The following TSHZ3 variants were observed in gnomAD, a reference collection of about 807,000 sequenced individuals.
TSHZ3 encodes teashirt homolog 3.
A neutral mutation model predicts 64.5 loss-of-function variants in TSHZ3; 10 were observed. That is an observed-to-expected ratio of 0.16 (90% confidence interval 0.10 to 0.26). TSHZ3 has a LOEUF of 0.26. TSHZ3 is among the 10% of genes least tolerant of loss of function. The pLI is 1.00. For synonymous variants in TSHZ3, 608 were observed against 593.1 expected (o/e 1.03, Z -0.36); for missense variants, 1,242 against 1,421.7 (o/e 0.87, Z 2.03).
At chr19:31,270,626 C>A (rs938367802), downstream of TSHZ3, among the ~76,000 whole-genome samples, 16 of 152,180 alleles carry the variant, frequency 1.1e-4, no homozygotes, top group African/African-American at 3.9e-4. Context: ...TCCAAAGGAA[C>A]CTTCTATGAT....
At chr19:31,207,149 C>A (rs1227313064) in intron 4 of TSHZ3, among the ~76,000 whole-genome samples, 1 of 152,144 alleles carries the variant, frequency 6.6e-6, no homozygotes, top group East Asian at 1.9e-4. Context: ...GAATCATTAA[C>A]ATGAAATACC....
chr19:31,276,416 T>C lies in TSHZ3; in HGVS notation c.*131A>G, dbSNP rs576073350. 4.4e-5 allele frequency: 38 copies of C among 872,968 alleles called. No individual in the cohort carries two copies. The African/African-American group carries it at 6.2e-4, about 14-fold the overall frequency. The allele number at this position is 872,968 out of a possible 1,614,324, so 54.1% of individuals were successfully genotyped here. ...AACACTGTACAGTTATACAAAACAG[T>C]CCAGCCCAGAGTGATTCTCTGCAGT... On this transcript the variant is annotated 3_prime_UTR_variant, in exon 2 of 2. Coordinates refer to ENST00000240587, the MANE Select transcript of TSHZ3 (RefSeq NM_020856.4).
At chr19:31,225,168 G>T (rs745337689) in intron 4 of TSHZ3, among the ~76,000 whole-genome samples, 1 of 152,190 alleles carries the variant, frequency 6.6e-6, no homozygotes, top group Non-Finnish European at 1.5e-5. Flanking sequence ...TAGAAGTGAG[G>T]CCATGTTACT....
At chr19:31,152,578 A>G (rs1343379147) in intron 6 of TSHZ3, among the ~76,000 whole-genome samples, 12 of 152,218 alleles carry the variant, frequency 7.9e-5, no homozygotes, top group Admixed American at 7.9e-4. Context: ...GACCTCACCA[A>G]GGATGTTCAG....
At chr19:31,203,785 C>G (rs1975121794) in intron 5 of TSHZ3, among the ~76,000 whole-genome samples, 1 of 151,924 alleles carries the variant, frequency 6.6e-6, no homozygotes, top group African/African-American at 2.4e-5. Context: ...CTTTTCTCTT[C>G]CCTTTCTTCT....
intron 5 of TSHZ3, among the ~76,000 whole-genome samples, chr19:31,191,983 G>A (rs536623113): frequency 7.2e-5 from 11 of 152,230 alleles, no homozygotes; most frequent in Non-Finnish European, 1.3e-4. Context: ...AACATATAAA[G>A]TAAGATACAC....
At chr19:31,245,252 T>C (rs1311288521) in intron 1 of TSHZ3, among the ~76,000 whole-genome samples, 3 of 152,152 alleles carry the variant, frequency 2.0e-5, no homozygotes, top group Admixed American at 6.5e-5. Flanking sequence ...TGTGCAACCT[T>C]AAGTAGGAGA....
At chr19:31,161,725 C>T (rs563322522) in intron 5 of TSHZ3, among the ~76,000 whole-genome samples, 17 of 152,292 alleles carry the variant, frequency 1.1e-4, no homozygotes, top group East Asian at 3.9e-4. Context: ...TTTTTAGAAC[C>T]GGCCTATTCT....
intron 4 of TSHZ3, among the ~76,000 whole-genome samples, chr19:31,215,611 G>A (rs908230221): frequency 4.6e-5 from 7 of 152,186 alleles, no homozygotes; most frequent in Admixed American, 2.0e-4. Flanking sequence ...GGTGGCTCAC[G>A]CCTATAATCC....
intron 5 of TSHZ3, among the ~76,000 whole-genome samples, chr19:31,201,703 GA>G: frequency 6.6e-6 from 1 of 152,222 alleles, no homozygotes. Context: ...CTGGGTGGAA[GA>G]GCGGCTTCCC....
chr19:31,267,122 T>A (rs1337985278), intron 1 of TSHZ3, among the ~76,000 whole-genome samples: 1 of 152,240 alleles, frequency 6.6e-6, no homozygotes, highest in African/African-American at 2.4e-5. Flanking sequence ...CCAGCTTGAC[T>A]CCAAACTTAT....
intron 1 of TSHZ3, among the ~76,000 whole-genome samples, chr19:31,269,060 C>T (rs11084578): frequency 0.47 from 70,807 of 151,794 alleles, 18,328 homozygotes; most frequent in Non-Finnish European, 0.58. Flanking sequence ...GCAGGAAAGC[C>T]GCCTTCCTCT....
In TSHZ3 at chr19:31,209,005, G is replaced by A. The variant is rs149817056; in HGVS notation, n.687-3927C>T. 6.9e-3 allele frequency among the ~76,000 whole-genome samples: 1,057 copies of A among 152,228 alleles called. 17 individuals are homozygous for A. Among genetic ancestry groups the A allele is most frequent in the African/African-American group, 0.024 (985 of 41,548 alleles). On this transcript the variant is annotated intron_variant and non_coding_transcript_variant, in intron 4 of 6. Transcript: ENST00000651361. ...GAGCAGTCAGGATCCCGATGTCTGA[G>A]GTGTGTGATGAGCAGAAGGCCATGA...
At chr19:31,168,375 T>C (rs529192833) in intron 5 of TSHZ3, among the ~76,000 whole-genome samples, 2 of 152,288 alleles carry the variant, frequency 1.3e-5, no homozygotes, top group South Asian at 4.1e-4. Context: ...TCTGTCATTT[T>C]CATTAGATTC....
intron 1 of TSHZ3, among the ~76,000 whole-genome samples, chr19:31,295,783 A>T (rs1976649936): frequency 6.6e-6 from 1 of 151,430 alleles, no homozygotes; most frequent in Non-Finnish European, 1.5e-5. Flanking sequence ...TTTAATAATA[A>T]TTTCAACTTT....
intron 3 of TSHZ3, among the ~76,000 whole-genome samples, chr19:31,235,688 C>T (rs1599597882): frequency 8.4e-5 from 7 of 83,714 alleles, no homozygotes; most frequent in Admixed American, 3.8e-4. Context: ...TTTCTTTCTT[C>T]TCCTCTTCTT....
chr19:31,334,169 G>A (rs914144210), intron 1 of TSHZ3, among the ~76,000 whole-genome samples: 2 of 152,100 alleles, frequency 1.3e-5, no homozygotes, highest in African/African-American at 2.4e-5. Context: ...TCACTGTCAC[G>A]TAGGGGAGGG....
At chr19:31,205,696 G>A (rs1975158045) in intron 4 of TSHZ3, among the ~76,000 whole-genome samples, 1 of 152,194 alleles carries the variant, frequency 6.6e-6, no homozygotes, top group Admixed American at 6.5e-5. Context: ...CCCTCCATCT[G>A]GGGCAGACTC....
chr19:31,338,821 T>G (rs1256998748), intron 1 of TSHZ3, among the ~76,000 whole-genome samples: 3 of 146,704 alleles, frequency 2.0e-5, no homozygotes, highest in Admixed American at 6.7e-5. Flanking sequence ...CATCTTTTTT[T>G]TCTTTCTTTC....
Sources: gnomAD v4.1 joint callset for allele counts (sites outside exome capture counted in the v4.1 genomes callset) on GRCh38, gnomAD v4.1.1 for gene constraint, MANE v1.5 for transcripts, NCBI Gene and HGNC (gene_info 2026-07-23, HGNC 2026-07-21) for gene names.